The following ZFP1 variants were observed in gnomAD, a reference collection of about 807,000 sequenced individuals.
ZFP1 encodes zinc finger protein 1 homolog.
Under a neutral mutation model 38.5 loss-of-function variants are expected in ZFP1, and 32 were observed. The observed-to-expected ratio is 0.83, with a 90% confidence interval of 0.63 to 1.12. ZFP1 has a LOEUF of 1.12. ZFP1 is among the 50% of genes most tolerant of loss of function. ZFP1 has a pLI of 0.00. For synonymous variants in ZFP1, 245 were observed against 168.8 expected (o/e 1.45, Z -3.50); for missense variants, 616 against 480.8 (o/e 1.28, Z -2.63).
the ZFP1 span, among the ~76,000 whole-genome samples, chr16:75,121,395 G>A: frequency 3.9e-5 from 6 of 152,050 alleles, no homozygotes; most frequent in African/African-American, 1.4e-4. Context: ...AAAGTGTTGG[G>A]ATTACAGGAA....
upstream of ZFP1, among the ~76,000 whole-genome samples, chr16:75,147,454 T>TA (rs2036966724): frequency 6.7e-6 from 1 of 148,184 alleles, no homozygotes; most frequent in African/African-American, 2.5e-5. Context: ...ATTTTTGTAT[T>TA]TTTTTTTTTT....
At chr16:75,156,163 T>C (rs1251611663) in intron 2 of ZFP1, among the ~76,000 whole-genome samples, 1 of 152,106 alleles carries the variant, frequency 6.6e-6, no homozygotes, top group African/African-American at 2.4e-5. Context: ...GAAATTTGGC[T>C]ACTGTTGGGG....
At chr16:75,136,487 G>A in the ZFP1 span, among the ~76,000 whole-genome samples, 45 of 152,312 alleles carry the variant, frequency 3.0e-4, 1 homozygote, top group African/African-American at 1.1e-3. Flanking sequence ...AGGCCAGAAT[G>A]ATCCATATGA....
the ZFP1 span, among the ~76,000 whole-genome samples, chr16:75,140,741 CG>C: frequency 6.6e-6 from 1 of 152,164 alleles, no homozygotes; most frequent in Non-Finnish European, 1.5e-5. Context: ...GGGCGGATCA[CG>C]AGGTCAGGAG....
chr16:75,169,603 C>T lies in ZFP1; in HGVS notation c.493C>T (p.Leu165Phe). 6.3e-7 allele frequency: 1 copy of T among 1,595,540 alleles called. No individual in the cohort carries two copies. The highest frequency in any genetic ancestry group is 1.8e-5 in the Admixed American group (1 of 54,202). Residue 165 changes from leucine (L) to phenylalanine (F), a missense_variant, in exon 4 of 4, where the codon CTC becomes TTC. Transcript: ENST00000570010. The part of the protein sequence containing the change: ...YSEYNKSGKA[L>F]SHKAAIFKHQ... ...TGAATACAATAAAAGTGGAAAAGCCCTCAGCCATAAAGCAGCCATTTTTAA... is the reference window on the plus strand; with the variant it reads ...TGAATACAATAAAAGTGGAAAAGCCTTCAGCCATAAAGCAGCCATTTTTAA...
chr16:75,125,011 C>G, the ZFP1 span, among the ~76,000 whole-genome samples: 1 of 151,850 alleles, frequency 6.6e-6, no homozygotes. Context: ...TCTGGAATCC[C>G]AACACTTTGG....
At chr16:75,140,816 G>C in the ZFP1 span, among the ~76,000 whole-genome samples, 36 of 152,150 alleles carry the variant, frequency 2.4e-4, no homozygotes, top group Non-Finnish European at 5.1e-4. Context: ...AAAATTAGCC[G>C]GGCGTGGTGT....
chr16:75,152,864 G>C, intron 1 of ZFP1, 45 bp from the exon 2 acceptor site: 1 of 1,573,472 alleles, frequency 6.4e-7, no homozygotes. Flanking sequence ...TTGTAAGGCA[G>C]GTCAGACCTT....
chr16:75,124,979 G>A, the ZFP1 span, among the ~76,000 whole-genome samples: 1 of 150,602 alleles, frequency 6.6e-6, no homozygotes, highest in Admixed American at 6.7e-5. Flanking sequence ...AAAGAGGAAT[G>A]GGCTGGGCTC....
At chr16:75,155,654 C>T (rs1399231412) in intron 2 of ZFP1, among the ~76,000 whole-genome samples, 3 of 152,256 alleles carry the variant, frequency 2.0e-5, no homozygotes, top group Non-Finnish European at 4.4e-5. Context: ...CCCATGTAGG[C>T]ACCCAAGTTA....
At chr16:75,149,995 G>C (rs564578609) in intron 1 of ZFP1, among the ~76,000 whole-genome samples, 1 of 151,170 alleles carries the variant, frequency 6.6e-6, no homozygotes, top group Admixed American at 6.6e-5. Context: ...ATGTTGGCCC[G>C]GCTGCTCTAG....
At chr16:75,123,453 A>G in the ZFP1 span, among the ~76,000 whole-genome samples, 90,693 of 107,150 alleles carry the variant, frequency 0.85, 37,353 homozygotes, top group Middle Eastern at 0.9. Flanking sequence ...GTGTGTGTAT[A>G]TGTATATATA....
chr16:75,134,734 CA>C, the ZFP1 span, among the ~76,000 whole-genome samples: 14 of 135,682 alleles, frequency 1.0e-4, no homozygotes, highest in African/African-American at 3.9e-4. Context: ...CTGGGCAACA[CA>C]GCAAGTCTCC....
intron 2 of ZFP1, among the ~76,000 whole-genome samples, chr16:75,161,535 C>T (rs766393840): frequency 6.6e-6 from 1 of 150,944 alleles, no homozygotes; most frequent in African/African-American, 2.4e-5. Flanking sequence ...TATGGTTTGC[C>T]TGTCTGATAA....
At chr16:75,151,010 A>G (rs2037174516) in intron 1 of ZFP1, among the ~76,000 whole-genome samples, 1 of 151,980 alleles carries the variant, frequency 6.6e-6, no homozygotes, top group Non-Finnish European at 1.5e-5. Context: ...GGTGTGAGCC[A>G]CCACACTCAG....
At chr16:75,120,827 G>T in the ZFP1 span, among the ~76,000 whole-genome samples, 1 of 151,820 alleles carries the variant, frequency 6.6e-6, no homozygotes, top group African/African-American at 2.4e-5. Flanking sequence ...GGGTTTCACC[G>T]TGTTAGCCAG....
chr16:75,140,169 G>A, the ZFP1 span, among the ~76,000 whole-genome samples: 4 of 152,052 alleles, frequency 2.6e-5, no homozygotes, highest in Non-Finnish European at 5.9e-5. Context: ...TCAGGAGGCT[G>A]AGGCAGGAGA....
chr16:75,140,697 C>A, the ZFP1 span, among the ~76,000 whole-genome samples: 78 of 152,276 alleles, frequency 5.1e-4, 1 homozygote, highest in African/African-American at 1.7e-3. Context: ...CGGTGGCTCA[C>A]GCCTGTAATC....
chr16:75,144,673 C>T (rs1045836837), upstream of ZFP1, among the ~76,000 whole-genome samples: 2 of 152,182 alleles, frequency 1.3e-5, no homozygotes, highest in Admixed American at 6.5e-5. Flanking sequence ...CAAACAGAAA[C>T]GCTATACCGT....
Sources: gnomAD v4.1 joint callset for allele counts (sites outside exome capture counted in the v4.1 genomes callset) on GRCh38, gnomAD v4.1.1 for gene constraint, MANE v1.5 for transcripts, NCBI Gene and HGNC (gene_info 2026-07-23, HGNC 2026-07-21) for gene names.